The following MAP3K7 variants were observed in gnomAD, a reference collection of about 807,000 sequenced individuals.
MAP3K7 encodes TGF-beta activated kinase 1.
Under a neutral mutation model 84.8 loss-of-function variants are expected in MAP3K7, and 21 were observed. The observed-to-expected ratio is 0.25, with a 90% CI of 0.18 to 0.36. The LOEUF (loss-of-function observed/expected upper bound fraction) is 0.36, where lower values mean the gene tolerates loss of function less well. MAP3K7 is among the 10% of genes least tolerant of loss of function. The pLI is 1.00. For synonymous variants in MAP3K7, 241 were observed against 247.7 expected, an observed-to-expected ratio of 0.97 and a Z score of 0.25; for missense variants, 503 against 747.7, an observed-to-expected ratio of 0.67 and a Z score of 3.82.
chr6:90,554,416 CTAAG>C (rs1178594069), intron 6 of MAP3K7, among the ~76,000 whole-genome samples: 1 of 152,114 alleles, frequency 6.6e-6, no homozygotes, highest in Non-Finnish European at 1.5e-5. Context: ...AATTTACAAA[CTAAG>C]TAGGTGGTTG....
intron 12 of MAP3K7, among the ~76,000 whole-genome samples, chr6:90,537,695 AAAC>A (rs1775723985): frequency 6.6e-6 from 1 of 151,974 alleles, no homozygotes; most frequent in African/African-American, 2.4e-5. Context: ...TTACAAACTA[AAAC>A]AACAAAACTG....
At chr6:90,562,497 C>T (rs1776556413) in intron 3 of MAP3K7, among the ~76,000 whole-genome samples, 2 of 152,274 alleles carry the variant, frequency 1.3e-5, no homozygotes, top group South Asian at 2.1e-4. Flanking sequence ...GTCTGAGATC[C>T]AACTGCAAGG....
chr6:90,532,326 G>C (rs538172220), intron 13 of MAP3K7, among the ~76,000 whole-genome samples: 2 of 152,124 alleles, frequency 1.3e-5, no homozygotes, highest in African/African-American at 4.8e-5. Flanking sequence ...GTGATATCAA[G>C]AGCCCGGTGA....
At chr6:90,542,437 G>T in intron 12 of MAP3K7, 2 of 984,682 alleles carry the variant, frequency 2.0e-6, no homozygotes, top group Non-Finnish European at 2.4e-6. Context: ...TGCTGCTCTG[G>T]CAATTAAGAG....
Position 90,571,710 on chromosome 6 carries a change from G to A in MAP3K7, c.218C>T (p.Ala73Val), listed in dbSNP as rs773394242. ...KQIESESERK[A>V]FIVELRQLSR... ...ATCTCAACTTACCTCTACAATAAACGCTTTCCTCTCAGATTCACTTTCTAT... is the reference window on the plus strand; with the variant it reads ...ATCTCAACTTACCTCTACAATAAACACTTTCCTCTCAGATTCACTTTCTAT... The change falls in exon 2 of 17, where the codon GCG (alanine) becomes GTG (valine). Residue 73 changes from alanine (A) to valine (V), a missense_variant. Coordinates refer to ENST00000369329, the MANE Select transcript of MAP3K7 (RefSeq NM_145331.3). 1.3e-6 allele frequency: 2 copies of A among 1,583,704 alleles called. No homozygotes were observed. The highest frequency in any genetic ancestry group is 1.8e-5 in the Admixed American group (1 of 56,128).
intron 13 of MAP3K7, among the ~76,000 whole-genome samples, chr6:90,534,754 T>C (rs2127963794): frequency 6.6e-6 from 1 of 152,292 alleles, no homozygotes; most frequent in South Asian, 2.1e-4. Flanking sequence ...GCTTTCAAAC[T>C]AGTAGCTGCT....
chr6:90,541,100 C>A (rs879717659), intron 12 of MAP3K7, among the ~76,000 whole-genome samples: 24 of 151,756 alleles, frequency 1.6e-4, no homozygotes, highest in Non-Finnish European at 2.9e-4. Flanking sequence ...TTATTAAAGT[C>A]CTAGAACAAA....
intron 13 of MAP3K7, among the ~76,000 whole-genome samples, chr6:90,532,319 A>G (rs12175345): frequency 0.027 from 4,115 of 152,258 alleles, 69 homozygotes; most frequent in South Asian, 0.044. Context: ...CAAGGAAGTG[A>G]TATCAAGAGC....
intron 1 of MAP3K7, among the ~76,000 whole-genome samples, chr6:90,579,599 T>C (rs1777201333): frequency 6.6e-6 from 1 of 152,228 alleles, no homozygotes; most frequent in South Asian, 2.1e-4. Flanking sequence ...TGTCAAATAC[T>C]GACTCCATTA....
At chr6:90,581,358 G>A (rs983305063) in intron 1 of MAP3K7, among the ~76,000 whole-genome samples, 8 of 152,076 alleles carry the variant, frequency 5.3e-5, no homozygotes, top group African/African-American at 1.7e-4. Flanking sequence ...TGGTGATGCT[G>A]GCATTGTTCT....
At chr6:90,575,101 A>C (rs1388646311) in intron 1 of MAP3K7, among the ~76,000 whole-genome samples, 1 of 152,198 alleles carries the variant, frequency 6.6e-6, no homozygotes, top group African/African-American at 2.4e-5. Flanking sequence ...ATACTTAAAG[A>C]ATTAAGTTTG....
intron 12 of MAP3K7, among the ~76,000 whole-genome samples, chr6:90,541,801 GCA>G (rs1775863605): frequency 6.6e-6 from 1 of 151,926 alleles, no homozygotes. Flanking sequence ...TAGGGTCTTT[GCA>G]TTTCTTTACC....
chr6:90,552,005 T>C (rs1258125116), intron 8 of MAP3K7, 44 bp downstream of exon 8: 1 of 1,567,122 alleles, frequency 6.4e-7, no homozygotes. Context: ...TCAGCACATA[T>C]TAAATTCCCC....
Position 90,550,546 on chromosome 6 carries a change from A to G in MAP3K7, c.871T>C (p.Phe291Leu). 1 of 1,597,818 alleles carries G rather than the reference A, an allele frequency of 6.3e-7. No homozygotes were observed. The highest frequency in any genetic ancestry group is 8.6e-7 in the Non-Finnish European group (1 of 1,168,228). The stretch of plus-strand genomic sequence containing the variant: ...TGTAATGGCTCATCTGCTCCTGGAA[A>G]GTACTATATATAAAAAAGTAAACCA... ...VKIMTHLMRYFPGADEPLQYP... is the reference protein window; with the variant it reads ...VKIMTHLMRYLPGADEPLQYP... The change falls in exon 9 of 17, where the codon TTT becomes CTT. Residue 291 changes from phenylalanine to leucine, a missense_variant. Physicochemically the swap from Phe to Leu is conservative, Grantham distance 22 (BLOSUM62 0). Around this residue, in one of 5 missense-constraint regions of MAP3K7, gnomAD observed 286 missense variants for 313.6 expected, o/e 0.91. Transcript: ENST00000369329.
At chr6:90,569,177 G>C (rs1238709201) in intron 2 of MAP3K7, among the ~76,000 whole-genome samples, 1 of 152,158 alleles carries the variant, frequency 6.6e-6, no homozygotes, top group Non-Finnish European at 1.5e-5. Context: ...GTCTCAGAGA[G>C]GGTTGAATGA....
intron 13 of MAP3K7, among the ~76,000 whole-genome samples, chr6:90,531,294 C>T (rs1034908175): frequency 1.3e-5 from 2 of 152,050 alleles, no homozygotes; most frequent in African/African-American, 4.8e-5. Context: ...GAATTTACAC[C>T]CAGTGTTATT....
In MAP3K7 at chr6:90,518,476, T is replaced by C; in HGVS notation, c.1611A>G (p.Gln537=). Residue 537 remains glutamine, a synonymous_variant, in exon 16 of 17, where the codon CAA becomes CAG. Transcript: ENST00000369329. ...TCTGTAATAACAATGCAATTTCTGT[T>C]TGAACTTTCATATATTCTTGTGCCA... is the stretch of plus-strand genomic sequence containing the variant. ...CKMAQEYMKV[Q]TEIALLLQRK... is the part of the protein sequence containing the mutation. The C allele has an allele frequency of 6.3e-7, 1 of 1,599,924 alleles. No individual in the cohort carries two copies. Among genetic ancestry groups the C allele is most frequent in the Non-Finnish European group, 8.5e-7 (1 of 1,169,808 alleles).
At position 90,525,261 on chromosome 6, in the gene MAP3K7, G is replaced by A. The variant is rs183370282; in HGVS notation, c.1357-1478C>T. On this transcript the variant is annotated intron_variant, in intron 13 of 16. Transcript: ENST00000369329. ...AAGGTACCTATATTAATATCAGAGA[G>A]AATGTATTTTAGGGTCCAAAAAATT... Among the ~76,000 whole-genome samples, 37 of 152,160 alleles carry A rather than the reference G, an allele frequency of 2.4e-4. No homozygotes were observed. The East Asian group carries it at 6.8e-3, about 28-fold the overall frequency.
At chr6:90,553,040 T>G (rs765898751) in intron 7 of MAP3K7, among the ~76,000 whole-genome samples, 63 of 152,322 alleles carry the variant, frequency 4.1e-4, no homozygotes, top group Admixed American at 1.5e-3. Flanking sequence ...ATTCTTTGCT[T>G]CTTCTCCTTG....
Sources: allele counts gnomAD v4.1 joint callset (sites outside exome capture counted in the v4.1 genomes callset), GRCh38; gene constraint gnomAD v4.1.1; regional missense constraint gnomAD v4.1.1; transcripts MANE v1.5; gene names NCBI Gene and HGNC (gene_info 2026-07-23, HGNC 2026-07-21).